Variants in EPHA7 observed in about 807,000 individuals in gnomAD.
EPHA7 encodes ephrin type-A receptor 7.
In EPHA7, 25 loss-of-function variants were observed where a neutral mutation model predicts 112.6. That is an observed-to-expected ratio of 0.22 (90% CI 0.16 to 0.31). EPHA7 has a LOEUF of 0.31. Ranked by LOEUF, EPHA7 falls within the 10% of genes least tolerant of loss-of-function variation. The pLI, the probability that EPHA7 is intolerant of heterozygous loss-of-function variation, is 1.00. For missense variants in EPHA7, 962 were observed against 1,212.6 expected (o/e 0.79, Z 3.07); for synonymous variants, 437 against 406.5 (o/e 1.07, Z -0.90).
At chr6:93,399,934 A>G (rs1036738813) in intron 3 of EPHA7, among the ~76,000 whole-genome samples, 1 of 152,150 alleles carries the variant, frequency 6.6e-6, no homozygotes. Context: ...TCTTTAAGGC[A>G]CACTCAAACT....
chr6:93,264,825 G>T, intron 7 of EPHA7, 123 bp from the exon 8 acceptor site: 1 of 442,766 alleles, frequency 2.3e-6, no homozygotes, highest in South Asian at 5.5e-5. Context: ...GCATTATATT[G>T]TAACAAAGTA....
At chr6:93,246,753 T>C in intron 15 of EPHA7, 39 bp downstream of exon 15, 1 of 1,534,870 alleles carries the variant, frequency 6.5e-7, no homozygotes, top group African/African-American at 1.4e-5. Flanking sequence ...GTTACTATTG[T>C]AATTTCTCCC....
At chr6:93,367,522 A>G (rs1776575198) in intron 3 of EPHA7, among the ~76,000 whole-genome samples, 1 of 152,160 alleles carries the variant, frequency 6.6e-6, no homozygotes, top group Non-Finnish European at 1.5e-5. Context: ...ATTTTGAATG[A>G]TAGACATTGT....
intron 5 of EPHA7, among the ~76,000 whole-genome samples, chr6:93,330,297 G>A (rs73755370): frequency 2.2e-4 from 33 of 151,226 alleles, no homozygotes; most frequent in African/African-American, 8.0e-4. Flanking sequence ...CTTGTGCTGG[G>A]AACATTCAGA....
chr6:93,338,366 A>G (rs568501960), intron 5 of EPHA7, among the ~76,000 whole-genome samples: 1 of 152,176 alleles, frequency 6.6e-6, no homozygotes, highest in Admixed American at 6.6e-5. Context: ...CTTAAAACCA[A>G]TCAAATATAT....
chr6:93,264,792 AT>A, intron 7 of EPHA7, 90 bp from the exon 8 acceptor site: 3 of 592,468 alleles, frequency 5.1e-6, no homozygotes, highest in Non-Finnish European at 8.2e-6. Flanking sequence ...TTTCTATTTA[AT>A]TCTTTATAAT....
chr6:93,269,842 C>G (rs370839901), intron 6 of EPHA7, among the ~76,000 whole-genome samples, 182 bp from the exon 7 acceptor site: 2 of 151,762 alleles, frequency 1.3e-5, no homozygotes, highest in East Asian at 3.9e-4. Context: ...GAAACACATG[C>G]CTTTGTTATA....
At chr6:93,317,424 C>A (rs930254451) in intron 5 of EPHA7, among the ~76,000 whole-genome samples, 2 of 152,102 alleles carry the variant, frequency 1.3e-5, no homozygotes, top group African/African-American at 4.8e-5. Context: ...GGGGAACACA[C>A]TTCTATAGGA....
At chr6:93,309,740 T>A (rs1048031623) in intron 5 of EPHA7, among the ~76,000 whole-genome samples, 1 of 152,086 alleles carries the variant, frequency 6.6e-6, no homozygotes, top group African/African-American at 2.4e-5. Flanking sequence ...GATCAACATA[T>A]GTGAAGAACA....
intron 3 of EPHA7, among the ~76,000 whole-genome samples, chr6:93,404,687 C>T (rs1398682856): frequency 1.3e-5 from 2 of 150,530 alleles, no homozygotes; most frequent in Non-Finnish European, 3.0e-5. Flanking sequence ...ATACTTCTCA[C>T]GGTAAGAGTA....
intron 3 of EPHA7, among the ~76,000 whole-genome samples, chr6:93,361,983 A>T (rs1037910968): frequency 1.3e-5 from 2 of 152,094 alleles, no homozygotes; most frequent in Non-Finnish European, 2.9e-5. Flanking sequence ...ATGTATAAAA[A>T]TTGTTTTAAA....
intron 5 of EPHA7, among the ~76,000 whole-genome samples, chr6:93,320,417 G>A (rs1774010968): frequency 6.6e-6 from 1 of 151,938 alleles, no homozygotes; most frequent in South Asian, 2.1e-4. Flanking sequence ...TACAATGATA[G>A]GCAAAGTGAT....
chr6:93,323,254 T>A (rs541354740), intron 5 of EPHA7, among the ~76,000 whole-genome samples: 1 of 151,680 alleles, frequency 6.6e-6, no homozygotes, highest in Non-Finnish European at 1.5e-5. Context: ...ACATGATTCC[T>A]TGCTAAGCTG....
intron 5 of EPHA7, among the ~76,000 whole-genome samples, chr6:93,339,031 T>C (rs943659927): frequency 1.3e-5 from 2 of 150,858 alleles, no homozygotes; most frequent in African/African-American, 4.8e-5. Context: ...GATACCAACA[T>C]TTTATTAAAT....
chr6:93,282,637 G>T (rs917500264), intron 5 of EPHA7, among the ~76,000 whole-genome samples: 1 of 152,150 alleles, frequency 6.6e-6, no homozygotes, highest in Non-Finnish European at 1.5e-5. Flanking sequence ...AGCTTGCGGG[G>T]AGGTGTGGAG....
intron 3 of EPHA7, among the ~76,000 whole-genome samples, chr6:93,361,036 T>C (rs756248028): frequency 3.1e-4 from 47 of 152,108 alleles, no homozygotes; most frequent in Non-Finnish European, 5.9e-4. Flanking sequence ...TAGAAAGCTA[T>C]GAAATAATAT....
chr6:93,333,765 A>T (rs1774720789), intron 5 of EPHA7, among the ~76,000 whole-genome samples: 2 of 151,916 alleles, frequency 1.3e-5, no homozygotes, highest in Admixed American at 6.6e-5. Flanking sequence ...TACAATGAGA[A>T]TTACTAAACA....
At chr6:93,329,986 G>C (rs1230056943) in intron 5 of EPHA7, among the ~76,000 whole-genome samples, 1 of 151,286 alleles carries the variant, frequency 6.6e-6, no homozygotes, top group African/African-American at 2.4e-5. Context: ...CTAGTTAGAA[G>C]AAAAACTATA....
intron 5 of EPHA7, among the ~76,000 whole-genome samples, chr6:93,292,042 C>T (rs946984902): frequency 6.6e-6 from 1 of 151,992 alleles, no homozygotes; most frequent in Non-Finnish European, 1.5e-5. Context: ...TAAACAATAA[C>T]ATATGATTGG....
Sources: allele counts gnomAD v4.1 joint callset (sites outside exome capture counted in the v4.1 genomes callset), GRCh38; gene constraint gnomAD v4.1.1; transcripts MANE v1.5; gene names NCBI Gene and HGNC (gene_info 2026-07-23, HGNC 2026-07-21).